The following SCN8A variants were observed in gnomAD, a reference collection of about 807,000 sequenced individuals.
SCN8A encodes the protein sodium channel protein type 8 subunit alpha.
A neutral mutation model predicts 184.1 loss-of-function variants in SCN8A; 30 were observed. The ratio of observed to expected loss-of-function variants is 0.16; its 90% CI spans 0.12 to 0.22. The LOEUF (loss-of-function observed/expected upper bound fraction) is 0.22, where lower values mean the gene tolerates loss of function less well. Among genes scored for constraint, SCN8A ranks in the 10% least tolerant of loss-of-function variants. SCN8A has a pLI of 1.00. For missense variants in SCN8A, 1,057 were observed against 2,498.9 expected (o/e 0.42, Z 12.30); for synonymous variants, 852 against 907.0 (o/e 0.94, Z 1.09).
At chr12:51,746,814 G>A (rs1942518324) in intron 13 of SCN8A, among the ~76,000 whole-genome samples, 1 of 152,120 alleles carries the variant, frequency 6.6e-6, no homozygotes, top group Non-Finnish European at 1.5e-5. Flanking sequence ...GGATCTGCAT[G>A]CTTTCTTTAG....
intron 12 of SCN8A, among the ~76,000 whole-genome samples, chr12:51,735,828 G>A (rs1393092158): frequency 6.6e-6 from 1 of 152,110 alleles, no homozygotes; most frequent in Non-Finnish European, 1.5e-5. Flanking sequence ...TATCCAAATC[G>A]GCTGTTGATT....
chr12:51,795,528 A>G (rs571441077), intron 26 of SCN8A, among the ~76,000 whole-genome samples: 1 of 152,336 alleles, frequency 6.6e-6, no homozygotes, highest in African/African-American at 2.4e-5. Flanking sequence ...TGTAGTGGTT[A>G]TAAGGTACCA....
chr12:51,744,362 T>G (rs1342472584), intron 12 of SCN8A, among the ~76,000 whole-genome samples: 1 of 152,244 alleles, frequency 6.6e-6, no homozygotes, highest in South Asian at 2.1e-4. Flanking sequence ...ATGCTGGCAC[T>G]CAAACCACAA....
chr12:51,754,979 G>A (rs1247063247), intron 14 of SCN8A, among the ~76,000 whole-genome samples: 1 of 152,178 alleles, frequency 6.6e-6, no homozygotes, highest in Non-Finnish European at 1.5e-5. Flanking sequence ...TCCATTTACA[G>A]TAAGTCCCCA....
At chr12:51,793,644 C>T (rs1051113802) in intron 25 of SCN8A, among the ~76,000 whole-genome samples, 2 of 152,100 alleles carry the variant, frequency 1.3e-5, no homozygotes, top group Admixed American at 6.5e-5. Flanking sequence ...GTAAGTAGGA[C>T]GACAGCCAGA....
intron 21 of SCN8A, among the ~76,000 whole-genome samples, chr12:51,784,567 T>C (rs561242245): frequency 1.3e-5 from 2 of 152,184 alleles, no homozygotes; most frequent in African/African-American, 4.8e-5. Flanking sequence ...TCAAAAAAAG[T>C]AAATAAAAAG....
At chr12:51,770,085 A>G (rs576454046) in intron 18 of SCN8A, 100 bp downstream of exon 18, 68 of 774,828 alleles carry the variant, frequency 8.8e-5, no homozygotes, top group Non-Finnish European at 1.4e-4. Flanking sequence ...CTCAGTGGCT[A>G]TCTTCAAGAA....
chr12:51,783,966 C>G (rs1322062644), intron 21 of SCN8A, among the ~76,000 whole-genome samples: 7 of 152,054 alleles, frequency 4.6e-5, no homozygotes, highest in African/African-American at 1.7e-4. Flanking sequence ...ATTTCCATGT[C>G]TAGTTCTTAA....
At chr12:51,730,120 A>T (rs972674773) in intron 12 of SCN8A, among the ~76,000 whole-genome samples, 3 of 151,972 alleles carry the variant, frequency 2.0e-5, no homozygotes, top group South Asian at 2.1e-4. Context: ...CTGTTCAAGG[A>T]TGCCTACCCC....
At chr12:51,662,506 TG>T (rs1940944267) in intron 1 of SCN8A, among the ~76,000 whole-genome samples, 1 of 152,204 alleles carries the variant, frequency 6.6e-6, no homozygotes, top group Non-Finnish European at 1.5e-5. Context: ...TTTTGTCATA[TG>T]TGGTTCCTAA....
chr12:51,793,211 G>C (rs1565928545), intron 25 of SCN8A, among the ~76,000 whole-genome samples: 1 of 152,208 alleles, frequency 6.6e-6, no homozygotes, highest in Non-Finnish European at 1.5e-5. Flanking sequence ...GAATGAAGTG[G>C]ATGAACCCAA....
intron 2 of SCN8A, among the ~76,000 whole-genome samples, chr12:51,674,266 G>A: frequency 6.6e-6 from 1 of 152,136 alleles, no homozygotes; most frequent in East Asian, 1.9e-4. Context: ...GTGCACAAGT[G>A]TCCTTCCTGC....
At chr12:51,742,920 CTGAG>C (rs936657154) in intron 12 of SCN8A, among the ~76,000 whole-genome samples, 2 of 152,070 alleles carry the variant, frequency 1.3e-5, no homozygotes, top group Admixed American at 6.6e-5. Flanking sequence ...TTTGTCTCCT[CTGAG>C]TATTTTCAAA....
chr12:51,708,770 T>C (rs1374663325), intron 11 of SCN8A, among the ~76,000 whole-genome samples: 1 of 152,286 alleles, frequency 6.6e-6, no homozygotes, highest in African/African-American at 2.4e-5. Flanking sequence ...TCTTTCTCCT[T>C]CTCCTTTGTA....
At chr12:51,758,906 G>A (rs1263265202) in intron 14 of SCN8A, among the ~76,000 whole-genome samples, 1 of 151,862 alleles carries the variant, frequency 6.6e-6, no homozygotes, top group Non-Finnish European at 1.5e-5. Context: ...GCCCCCAGTG[G>A]ATGCCTGAAA....
At chr12:51,756,278 A>G (rs148259235) in intron 14 of SCN8A, among the ~76,000 whole-genome samples, 1 of 152,094 alleles carries the variant, frequency 6.6e-6, no homozygotes, top group African/African-American at 2.4e-5. Context: ...ACTAGGCGAC[A>G]TCCTCCTCAC....
chr12:51,632,796 C>T (rs1025029377), intron 1 of SCN8A, among the ~76,000 whole-genome samples: 39 of 152,142 alleles, frequency 2.6e-4, no homozygotes, highest in African/African-American at 6.8e-4. Flanking sequence ...CTCTTCCCAG[C>T]GCTTTTGAAC....
chr12:51,591,875 T>C (rs1434473669), intron 1 of SCN8A, among the ~76,000 whole-genome samples: 1 of 150,962 alleles, frequency 6.6e-6, no homozygotes, highest in African/African-American at 2.4e-5. Flanking sequence ...GGCTCCTGGG[T>C]TCTTCCCGCA....
intron 2 of SCN8A, among the ~76,000 whole-genome samples, chr12:51,676,592 G>A (rs1565883060): frequency 6.6e-6 from 1 of 152,168 alleles, no homozygotes; most frequent in Non-Finnish European, 1.5e-5. Flanking sequence ...GCATAGGCCT[G>A]GGGGAATAAA....
Sources: allele counts gnomAD v4.1 joint callset (sites outside exome capture counted in the v4.1 genomes callset), GRCh38; gene constraint gnomAD v4.1.1; transcripts MANE v1.5; gene names NCBI Gene and HGNC (gene_info 2026-07-23, HGNC 2026-07-21).